PDZD8: variants seen among roughly 807,000 people sequenced by gnomAD.
The protein encoded by PDZD8 is PDZ domain-containing protein 8.
Under a neutral mutation model 85.8 loss-of-function variants are expected in PDZD8, and 14 were observed. The observed-to-expected ratio is 0.16, with a 90% CI of 0.11 to 0.26. The LOEUF is 0.26. Ranked by LOEUF, PDZD8 falls within the 10% of genes least tolerant of loss-of-function variation. The probability of loss-of-function intolerance (pLI) is 1.00; values close to 1 mark genes in which losing one functional copy is unlikely to be tolerated. For missense variants in PDZD8, 1,197 were observed against 1,424.3 expected (o/e 0.84, Z 2.57); for synonymous variants, 592 against 568.6 (o/e 1.04, Z -0.59).
chr10:117,304,321 T>C (rs1843895688), intron 3 of PDZD8, among the ~76,000 whole-genome samples: 1 of 152,150 alleles, frequency 6.6e-6, no homozygotes, highest in South Asian at 2.1e-4. Flanking sequence ...ATTTCTCTTA[T>C]TTGGAATGGC....
intron 3 of PDZD8, among the ~76,000 whole-genome samples, chr10:117,297,748 G>C (rs928285838): frequency 2.0e-5 from 3 of 152,132 alleles, no homozygotes; most frequent in African/African-American, 7.2e-5. Flanking sequence ...ATCTGTAATG[G>C]ATGAGGTGAT....
At position 117,283,189 on chromosome 10, in the gene PDZD8, G is replaced by C. The variant is rs1242354071; in HGVS notation, c.*79C>G. ...AGAAGCAGGCCAGAGTGCATACGAG[G>C]ATTTAAACATGGTTGTATCTGTGGT... On this transcript the variant is annotated 3_prime_UTR_variant, in exon 5 of 5. Coordinates refer to ENST00000334464, the MANE Select transcript of PDZD8 (RefSeq NM_173791.5). 9 of 1,403,752 alleles carry C rather than the reference G, an allele frequency of 6.4e-6. No individual in the cohort carries two copies. In the African/African-American group the frequency reaches 8.6e-5, roughly 13 times the overall value. The allele number at this position is 1,403,752 out of a possible 1,614,324, so 87.0% of individuals were successfully genotyped here. A position where few individuals can be genotyped will look rare whatever the true frequency, so the allele number is the denominator to read the frequency against.
At chr10:117,310,032 G>A (rs553648922) in intron 3 of PDZD8, among the ~76,000 whole-genome samples, 3 of 152,256 alleles carry the variant, frequency 2.0e-5, no homozygotes, top group African/African-American at 7.2e-5. Flanking sequence ...GGTATTTAAA[G>A]TCCTCTATAA....
rs1264457033 is a variant in PDZD8 at position 117,374,351 on chromosome 10, C to T, written c.872+5G>A. 1 of 1,611,252 alleles carries T rather than the reference C, an allele frequency of 6.2e-7. No homozygotes were observed. Among genetic ancestry groups the T allele is most frequent in the Non-Finnish European group, 8.5e-7 (1 of 1,177,596 alleles). ...GCCAGGCCCCCTCCCCGACCTCCAG[C>T]TCACCTGATCTTGTAATTCGGTAGG... On this transcript the variant is annotated splice_donor_5th_base_variant and intron_variant, in intron 1 of 4. Coordinates refer to ENST00000334464, the MANE Select transcript of PDZD8 (RefSeq NM_173791.5). This position sits in a 1 kb window ranked among gnomAD's most constrained non-coding sequence, Gnocchi z 7.8.
At chr10:117,345,502 T>C (rs1440514047) in intron 1 of PDZD8, among the ~76,000 whole-genome samples, 1 of 152,062 alleles carries the variant, frequency 6.6e-6, no homozygotes, top group African/African-American at 2.4e-5. Flanking sequence ...GTGGGGTGGG[T>C]GTACTGTACT....
chr10:117,289,816 T>C lies in PDZD8; in HGVS notation c.1261+370A>G, dbSNP rs551798883. On this transcript the variant is annotated intron_variant, in intron 4 of 4. Transcript: ENST00000334464. Reference sequence around the variant, plus strand: ...TAGTGCTAATACTACCAATTTTAGGTTCAGAGTAGCAATGGTGGTAGTCGT... The same window carrying C: ...TAGTGCTAATACTACCAATTTTAGGCTCAGAGTAGCAATGGTGGTAGTCGT... Among the ~76,000 whole-genome samples, 6 of 152,270 alleles carry C rather than the reference T, an allele frequency of 3.9e-5. No individual in the cohort carries two copies. The East Asian group carries it at 1.2e-3, about 29-fold the overall frequency.
intron 2 of PDZD8, among the ~76,000 whole-genome samples, chr10:117,319,433 A>ACACT (rs1403355327): frequency 0.011 from 258 of 22,980 alleles, no homozygotes; most frequent in African/African-American, 0.014. Context: ...ACACACACAC[A>ACACT]CTCTTCATCT....
At chr10:117,373,233 A>G (rs1845223606) in intron 1 of PDZD8, among the ~76,000 whole-genome samples, 1 of 152,210 alleles carries the variant, frequency 6.6e-6, no homozygotes. Flanking sequence ...TTAAGCCATC[A>G]GATGCTGGAA....
At position 117,281,767 on chromosome 10, in the gene PDZD8, T is replaced by C. The variant is rs1319093999; in HGVS notation, c.*1501A>G. ...CTTGAACTTAAACTCTTTTATGGAG[T>C]CCTGGAGTCTAGACCTGGGCCCCAG... is the stretch of plus-strand genomic sequence containing the variant. On this transcript the variant is annotated 3_prime_UTR_variant, in exon 5 of 5. Transcript: ENST00000334464. 6.6e-6 allele frequency: 1 copy of C among 152,104 alleles called. No individual in the cohort carries two copies. Among genetic ancestry groups the C allele is most frequent in the East Asian group, 1.9e-4 (1 of 5,196 alleles). The allele number at this position is 152,104 out of a possible 1,614,324, so 9.4% of individuals were successfully genotyped here.
Position 117,284,165 on chromosome 10 carries a change from G to A in PDZD8, c.2568C>T (p.Tyr856=). The part of the protein sequence containing the change: ...TQFQNPTWCD[Y]CKKKVWTKAA... Reference sequence around the variant, plus strand: ...CTTTAGTCCAAACTTTTTTCTTACAGTAGTCACACCATGTTGGGTTCTGGA... The same window carrying A: ...CTTTAGTCCAAACTTTTTTCTTACAATAGTCACACCATGTTGGGTTCTGGA... The change falls in exon 5 of 5, where the codon TAC becomes TAT. Residue 856 remains tyrosine (Y), a synonymous_variant. Transcript: ENST00000334464. The A allele has an allele frequency of 6.2e-7, 1 of 1,614,160 alleles. No homozygotes were observed. Among genetic ancestry groups the A allele is most frequent in the Non-Finnish European group, 8.5e-7 (1 of 1,180,024 alleles).
rs570927257 is a variant in PDZD8 at position 117,334,853 on chromosome 10, GAAAC to G, written c.995+6123_995+6126del. Among the ~76,000 whole-genome samples the G allele has an allele frequency of 3.9e-3, 589 of 151,648 alleles. 4 individuals are homozygous for G. The highest frequency in any genetic ancestry group is 0.013 in the African/African-American group (555 of 41,358). On this transcript the variant is annotated intron_variant, in intron 2 of 4. Coordinates refer to ENST00000334464, the MANE Select transcript of PDZD8 (RefSeq NM_173791.5). Reference sequence around the variant, plus strand: ...AGTACACAGAGAAAAAGAATTTAAAGAAACAAACAAATAAACAAGCAAACAAACC... The same window carrying G: ...AGTACACAGAGAAAAAGAATTTAAAGAAACAAATAAACAAGCAAACAAACC...
At position 117,283,541 on chromosome 10, in the gene PDZD8, T is replaced by A. The variant is rs763947879; in HGVS notation, c.3192A>T (p.Thr1064=). ...GAAGTGATTTTTTCCTTGTATCAGT[T>A]GTCTCTTTTTCTTCTCTAACAAGGG... The part of the protein sequence containing the change: ...NNSLVREEKE[T]TDTRKKSLLS... The change falls in exon 5 of 5, where the codon ACA becomes ACT. Residue 1064 remains threonine, a synonymous_variant. Coordinates refer to ENST00000334464, the MANE Select transcript of PDZD8 (RefSeq NM_173791.5). 4 of 1,614,098 alleles carry A rather than the reference T, an allele frequency of 2.5e-6. No individual in the cohort carries two copies. The highest frequency in any genetic ancestry group is 3.4e-6 in the Non-Finnish European group (4 of 1,180,038).
intron 3 of PDZD8, among the ~76,000 whole-genome samples, chr10:117,308,592 G>C (rs1843984399): frequency 6.6e-6 from 1 of 152,016 alleles, no homozygotes; most frequent in Non-Finnish European, 1.5e-5. Flanking sequence ...GAAATACCTT[G>C]CTCATAGTCA....
Position 117,285,276 on chromosome 10 carries a change from G to A in PDZD8, c.1457C>T (p.Thr486Ile), listed in dbSNP as rs1782533823. Reference protein sequence around the residue: ...SGYEEEAAGLTVDTESRELDS... With the variant: ...SGYEEEAAGLIVDTESRELDS... The stretch of plus-strand genomic sequence containing the variant: ...CAGCTCTCTACTTTCAGTATCTACT[G>A]TCAACCCGGCAGCTTCCTCTTCATA... The change falls in exon 5 of 5, where the codon ACA (threonine) becomes ATA (isoleucine). Residue 486 changes from threonine to isoleucine, a missense_variant. Transcript: ENST00000334464. 2 of 1,614,118 alleles carry A rather than the reference G, an allele frequency of 1.2e-6. No individual in the cohort carries two copies. Among genetic ancestry groups the A allele is most frequent in the Non-Finnish European group, 1.7e-6 (2 of 1,180,026 alleles).
At chr10:117,363,355 A>G (rs900657003) in intron 1 of PDZD8, among the ~76,000 whole-genome samples, 2 of 152,152 alleles carry the variant, frequency 1.3e-5, no homozygotes, top group Admixed American at 6.5e-5. Context: ...TGATGTCTCC[A>G]TGAAAGTTGT....
Position 117,374,813 on chromosome 10 carries a change from G to A in PDZD8, c.415C>T (p.Leu139=), listed in dbSNP as rs1845264960. The A allele has an allele frequency of 6.2e-7, 1 of 1,613,308 alleles. No individual in the cohort carries two copies. The highest frequency in any genetic ancestry group is 1.1e-5 in the South Asian group (1 of 91,082). Residue 139 remains leucine (L), a synonymous_variant, in exon 1 of 5, where the codon CTG becomes TTG. Coordinates refer to ENST00000334464, the MANE Select transcript of PDZD8 (RefSeq NM_173791.5). This position sits in a 1 kb window ranked among gnomAD's most constrained non-coding sequence, Gnocchi z 7.8. Reference sequence around the variant, plus strand: ...TCCCGCAGGCTCAGCCCCTCCAGCAGGCGCCCGGCCGTCTTGGTCTGCAGC... The same window carrying A: ...TCCCGCAGGCTCAGCCCCTCCAGCAAGCGCCCGGCCGTCTTGGTCTGCAGC... The part of the protein sequence containing the change: ...ELLQTKTAGR[L]LEGLSLRDVF...
intron 3 of PDZD8, among the ~76,000 whole-genome samples, chr10:117,295,359 G>A (rs1016897663): frequency 2.0e-5 from 3 of 152,112 alleles, no homozygotes; most frequent in Admixed American, 2.0e-4. Context: ...TGGAGGCACA[G>A]GCAACCTCAA....
Position 117,292,961 on chromosome 10 carries a change from A to G in PDZD8, c.1099-2613T>C, listed in dbSNP as rs1189649765. On this transcript the variant is annotated intron_variant, in intron 3 of 4. Transcript: ENST00000334464. The stretch of plus-strand genomic sequence containing the variant: ...TTCCTTTTAAGCCTGCACCCCACTG[A>G]CCTAATTTTAGATTTTAATTTCAGC... 2.0e-5 allele frequency among the ~76,000 whole-genome samples: 3 copies of G among 152,080 alleles called. No homozygotes were observed. The Middle Eastern group carries it at 0.01, about 521-fold the overall frequency.
intron 2 of PDZD8, among the ~76,000 whole-genome samples, chr10:117,320,313 A>G (rs901002888): frequency 6.6e-5 from 10 of 152,126 alleles, no homozygotes; most frequent in African/African-American, 2.4e-4. Context: ...CAGGCAGACA[A>G]AACTGCACCA....
Sources: gnomAD v4.1 joint callset for allele counts (sites outside exome capture counted in the v4.1 genomes callset) on GRCh38, gnomAD v4.1.1 for gene constraint, Gnocchi (gnomAD v3.1) non-coding constraint, MANE v1.5 for transcripts, NCBI Gene and HGNC (gene_info 2026-07-23, HGNC 2026-07-21) for gene names.